The following IQCM variants were observed in gnomAD, a reference collection of about 807,000 sequenced individuals.
The protein encoded by IQCM is IQ domain-containing protein M.
Under a neutral mutation model 57.6 loss-of-function variants are expected in IQCM, and 45 were observed. The observed-to-expected ratio is 0.78, with a 90% CI of 0.62 to 1.00. The LOEUF is 1.00. Among genes scored for constraint, IQCM ranks in the 50% least tolerant of loss-of-function variants. The probability of loss-of-function intolerance (pLI) is 0.00; values close to 1 mark genes in which losing one functional copy is unlikely to be tolerated. For synonymous variants in IQCM, 148 were observed against 158.9 expected (o/e 0.93, Z 0.51); for missense variants, 468 against 511.6 (o/e 0.91, Z 0.82).
intron 7 of IQCM, among the ~76,000 whole-genome samples, chr4:149,623,718 G>GGT (rs3057342): frequency 0.12 from 16,999 of 145,938 alleles, 1,054 homozygotes; most frequent in African/African-American, 0.18. Context: ...CTGAATCCCA[G>GGT]GTGTGTGTGT....
intron 12 of IQCM, among the ~76,000 whole-genome samples, chr4:149,455,843 C>T (rs1737641141): frequency 6.6e-6 from 1 of 151,354 alleles, no homozygotes; most frequent in Non-Finnish European, 1.5e-5. Context: ...GGTGTGGTAG[C>T]ATGCACTTGC....
chr4:149,693,334 T>A (rs1763084462), intron 5 of IQCM, among the ~76,000 whole-genome samples: 1 of 152,210 alleles, frequency 6.6e-6, no homozygotes, highest in Admixed American at 6.5e-5. Flanking sequence ...CAAATCCATA[T>A]ATCTTGCTTA....
At chr4:149,384,609 C>A (rs1176776173) in intron 13 of IQCM, among the ~76,000 whole-genome samples, 1 of 152,116 alleles carries the variant, frequency 6.6e-6, no homozygotes, top group African/African-American at 2.4e-5. Flanking sequence ...AATTTATCAT[C>A]CTTTGTTAAA....
intron 13 of IQCM, among the ~76,000 whole-genome samples, chr4:149,390,663 T>C (rs1731786685): frequency 6.6e-6 from 1 of 151,986 alleles, no homozygotes; most frequent in South Asian, 2.1e-4. Context: ...ACATAATTTT[T>C]CTGCATTGAG....
intron 2 of IQCM, among the ~76,000 whole-genome samples, chr4:149,796,714 C>T (rs1429248969): frequency 3.3e-5 from 5 of 152,076 alleles, no homozygotes; most frequent in Non-Finnish European, 7.4e-5. Flanking sequence ...GCTCAGAATA[C>T]AGAAAGAGAC....
At position 149,563,720 on chromosome 4, in the gene IQCM, C is replaced by T. The variant is rs537964889; in HGVS notation, c.920G>A (p.Arg307Gln). The T allele has an allele frequency of 3.3e-5, 41 of 1,231,944 alleles. No homozygotes were observed. The South Asian group carries it at 7.8e-4, about 23-fold the overall frequency. 76.3% of individuals were successfully genotyped at this position (1,231,944 alleles called of 1,614,324 possible). Residue 307 changes from arginine to glutamine, a missense_variant, in exon 10 of 14, where the codon CGG (arginine) becomes CAG (glutamine). Physicochemically the swap from Arg to Gln is conservative, Grantham distance 43. Transcript: ENST00000636793. ...MQAHVRGWLE[R>Q]KRLQRVMTKA... The stretch of plus-strand genomic sequence containing the variant: ...GGTCATTACTCTTTGCAATCTTTTC[C>T]GTTCAAGCCATCCCCTGACATGTGC...
chr4:149,576,110 A>G (rs1751622048), intron 9 of IQCM, among the ~76,000 whole-genome samples: 1 of 151,788 alleles, frequency 6.6e-6, no homozygotes. Context: ...CAGAAAAAAT[A>G]CTGTTTTTAT....
At chr4:149,804,206 G>C (rs569001705) in intron 2 of IQCM, among the ~76,000 whole-genome samples, 1 of 152,096 alleles carries the variant, frequency 6.6e-6, no homozygotes, top group African/African-American at 2.4e-5. Context: ...TTTCAAAACA[G>C]TTACTTTCTC....
At chr4:149,423,535 C>T (rs1247509346) in intron 13 of IQCM, among the ~76,000 whole-genome samples, 1 of 151,974 alleles carries the variant, frequency 6.6e-6, no homozygotes, top group African/African-American at 2.4e-5. Context: ...CCTTACTGTT[C>T]TCCAAAGATG....
intron 7 of IQCM, among the ~76,000 whole-genome samples, chr4:149,633,194 C>G (rs1213843665): frequency 1.6e-5 from 2 of 124,786 alleles, no homozygotes; most frequent in Non-Finnish European, 3.4e-5. Flanking sequence ...AAAAAAAAAG[C>G]AAATATCACA....
At chr4:149,422,916 T>G (rs1211825069) in intron 13 of IQCM, among the ~76,000 whole-genome samples, 4 of 152,048 alleles carry the variant, frequency 2.6e-5, no homozygotes, top group African/African-American at 4.8e-5. Context: ...AGAGAGTAAG[T>G]GCTTGGTTTG....
chr4:149,518,367 C>T (rs932670112), intron 12 of IQCM, among the ~76,000 whole-genome samples: 4 of 152,096 alleles, frequency 2.6e-5, no homozygotes, highest in Non-Finnish European at 5.9e-5. Flanking sequence ...CCCTTACTCA[C>T]GAATCTACCT....
intron 2 of IQCM, among the ~76,000 whole-genome samples, chr4:149,778,201 C>T (rs552746294): frequency 3.9e-5 from 6 of 152,212 alleles, no homozygotes; most frequent in South Asian, 4.1e-4. Context: ...ACGGTGAAAC[C>T]CCATCTCTAC....
intron 8 of IQCM, among the ~76,000 whole-genome samples, chr4:149,600,908 T>C (rs1224964602): frequency 6.6e-6 from 1 of 152,176 alleles, no homozygotes; most frequent in African/African-American, 2.4e-5. Context: ...TCAACTGTGG[T>C]CCTATTTCAT....
At chr4:149,776,567 AGG>A (rs1771111011) in intron 2 of IQCM, among the ~76,000 whole-genome samples, 1 of 152,226 alleles carries the variant, frequency 6.6e-6, no homozygotes, top group Non-Finnish European at 1.5e-5. Context: ...ATAAAGATAT[AGG>A]GAGAAAACAT....
At chr4:149,782,794 CA>C (rs1400281006) in intron 2 of IQCM, among the ~76,000 whole-genome samples, 1 of 151,968 alleles carries the variant, frequency 6.6e-6, no homozygotes, top group East Asian at 1.9e-4. Flanking sequence ...ATTAGTGATA[CA>C]GAAGGAAGAC....
intron 8 of IQCM, among the ~76,000 whole-genome samples, chr4:149,613,933 T>C (rs893128589): frequency 1.3e-5 from 2 of 152,142 alleles, no homozygotes; most frequent in African/African-American, 4.8e-5. Flanking sequence ...CATTCCATGG[T>C]GTATATGTGC....
intron 5 of IQCM, among the ~76,000 whole-genome samples, chr4:149,715,590 T>G (rs1055671288): frequency 2.0e-5 from 3 of 152,116 alleles, no homozygotes; most frequent in Non-Finnish European, 4.4e-5. Context: ...GCAAGGGGCG[T>G]GTTTCAGCCC....
At chr4:149,746,479 C>A (rs1234254416) in intron 2 of IQCM, among the ~76,000 whole-genome samples, 1 of 152,154 alleles carries the variant, frequency 6.6e-6, no homozygotes, top group Non-Finnish European at 1.5e-5. Flanking sequence ...CTCCACACAG[C>A]AGGAGTGATC....
Sources: allele counts gnomAD v4.1 joint callset (sites outside exome capture counted in the v4.1 genomes callset), GRCh38; gene constraint gnomAD v4.1.1; transcripts MANE v1.5; gene names NCBI Gene and HGNC (gene_info 2026-07-23, HGNC 2026-07-21).